GK: variants seen among roughly 807,000 people sequenced by gnomAD.
The protein encoded by GK is ATP:glycerol 3-phosphotransferase.
A neutral mutation model predicts 56.4 loss-of-function variants in GK; 9 were observed. That is an observed-to-expected ratio of 0.16 (90% CI 0.10 to 0.28). The LOEUF (loss-of-function observed/expected upper bound fraction) is 0.28. Ranked by LOEUF, GK falls within the 10% of genes least tolerant of loss-of-function variation. GK has a pLI of 1.00. For missense variants in GK, 161 were observed against 431.4 expected (o/e 0.37, Z 5.55); for synonymous variants, 104 against 144.1 (o/e 0.72, Z 1.99).
At chrX:30,670,384 A>G (rs779678482) in intron 3 of GK, among the ~76,000 whole-genome samples, 11 of 111,304 alleles carry the variant, frequency 9.9e-5, no homozygotes, top group Non-Finnish European at 2.1e-4. Flanking sequence ...TTATGTGAAG[A>G]TGACACACAA....
intron 9 of GK, chrX:30,700,138 A>G: frequency 3.4e-6 from 1 of 294,425 alleles, no homozygotes; most frequent in Non-Finnish European, 6.0e-6. Flanking sequence ...GCCTGCTAGT[A>G]GATTAATACT....
rs377416052 is a variant in GK at position 30,724,147 on chromosome X, A to G, written c.1548A>G (p.Ser516=). The G allele has an allele frequency of 1.7e-6, 2 of 1,179,977 alleles. No individual in the cohort carries two copies. Among genetic ancestry groups the G allele is most frequent in the Non-Finnish European group, 2.3e-6 (2 of 867,084 alleles). ...YSTWKKAVMK[S]MGWVTTQSPE... ...CATGGAAGAAAGCTGTGATGAAGTC[A>G]ATGGGTTGGGTTACAACTCAATCTC... The change falls in exon 19 of 21, where the codon TCA becomes TCG. Residue 516 remains serine, a synonymous_variant. Transcript: ENST00000427190.
At chrX:30,699,176 T>C (rs1410095689) in intron 9 of GK, among the ~76,000 whole-genome samples, 1 of 98,365 alleles carries the variant, frequency 1.0e-5, no homozygotes, top group African/African-American at 3.7e-5. Context: ...TCAGGGATTT[T>C]ATATATATAT....
chrX:30,700,619 T>C (rs1935599929), intron 10 of GK, among the ~76,000 whole-genome samples, 170 bp downstream of exon 10: 1 of 111,992 alleles, frequency 8.9e-6, no homozygotes, highest in Non-Finnish European at 1.9e-5. Flanking sequence ...TGAGAATCTT[T>C]TGAATAAATT....
chrX:30,727,604 G>A (rs1389251081), intron 20 of GK, 52 bp downstream of exon 20: 7 of 776,817 alleles, frequency 9.0e-6, no homozygotes, highest in African/African-American at 4.1e-5. Flanking sequence ...TAATGTTTTC[G>A]TGTATAACTT....
chrX:30,654,050 A>G (rs1032019693), intron 1 of GK, among the ~76,000 whole-genome samples: 1 of 112,442 alleles, frequency 8.9e-6, no homozygotes, highest in African/African-American at 3.2e-5. Flanking sequence ...TGTGGTAGCT[A>G]ACACAGCGTC....
chrX:30,664,000 GATATATATTTTATATATATCT>G (rs1459748901), intron 1 of GK, among the ~76,000 whole-genome samples: 3 of 78,184 alleles, frequency 3.8e-5, no homozygotes, highest in African/African-American at 4.9e-5. Flanking sequence ...ATATTTTATA[GATATATATTTTATATATATCT>G]ATATATATTT....
intron 2 of GK, among the ~76,000 whole-genome samples, chrX:30,667,407 G>A (rs926732758): frequency 9.0e-6 from 1 of 110,898 alleles, no homozygotes; most frequent in Admixed American, 9.7e-5. Flanking sequence ...TCCTTCTGAG[G>A]CCCTGGTACT....
rs769468628 is a variant in GK at position 30,675,198 on chromosome X, AT to A, written c.260-2162del. ...GGAGGTGGAAGCTACACAAAAAATG[AT>A]TTTTTTTTTTTTTTGAGACAGAGTC... On this transcript the variant is annotated intron_variant, in intron 3 of 20. Coordinates refer to ENST00000427190, the MANE Select transcript of GK (RefSeq NM_001205019.2). 6.3e-3 allele frequency among the ~76,000 whole-genome samples: 639 copies of A among 100,766 alleles called. 2 individuals carry two copies. The highest frequency in any genetic ancestry group is 0.016 in the African/African-American group (449 of 27,904). The allele number at this position is 100,766 out of a possible 115,157, so 87.5% of individuals were successfully genotyped here.
intron 19 of GK, among the ~76,000 whole-genome samples, chrX:30,726,819 G>A (rs1200510706): frequency 9.0e-6 from 1 of 111,535 alleles, no homozygotes; most frequent in Admixed American, 9.6e-5. Context: ...CCTATGGGAA[G>A]AATATCAGGC....
chrX:30,708,757 A>G (rs1936166087), intron 13 of GK, among the ~76,000 whole-genome samples: 1 of 111,872 alleles, frequency 8.9e-6, no homozygotes, highest in South Asian at 3.7e-4. Flanking sequence ...CTTTTTGTAA[A>G]ATTAGATACA....
chrX:30,722,560 T>C (rs1398051956), intron 18 of GK, among the ~76,000 whole-genome samples: 1 of 111,370 alleles, frequency 9.0e-6, no homozygotes, highest in East Asian at 2.8e-4. Flanking sequence ...CCCTCACTCC[T>C]CCCCATAAAC....
chrX:30,682,996 G>C (rs1199535995), intron 4 of GK, among the ~76,000 whole-genome samples: 1 of 110,564 alleles, frequency 9.0e-6, no homozygotes, highest in Non-Finnish European at 1.9e-5. Flanking sequence ...TCTCTCAAAG[G>C]TCCCATCTCT....
intron 9 of GK, among the ~76,000 whole-genome samples, chrX:30,699,175 TTA>T (rs758881734): frequency 9.9e-6 from 1 of 100,695 alleles, no homozygotes; most frequent in Non-Finnish European, 2.0e-5. Context: ...TTCAGGGATT[TTA>T]TATATATATA....
At chrX:30,697,776 A>C in intron 9 of GK, 27 bp downstream of exon 9, 1 of 1,108,889 alleles carries the variant, frequency 9.0e-7, no homozygotes, top group South Asian at 1.8e-5. Flanking sequence ...CCAATTATGT[A>C]CCCATTCATT....
chrX:30,654,623 T>G (rs890361915), intron 1 of GK, among the ~76,000 whole-genome samples: 4 of 110,703 alleles, frequency 3.6e-5, no homozygotes, highest in Non-Finnish European at 7.6e-5. Flanking sequence ...CCCGGGAGGC[T>G]GAGGCAGGAG....
intron 13 of GK, among the ~76,000 whole-genome samples, chrX:30,712,532 T>C (rs1936376121): frequency 9.1e-6 from 1 of 109,711 alleles, no homozygotes; most frequent in South Asian, 3.8e-4. Context: ...ATTTTTCACA[T>C]CCACCTGATT....
intron 18 of GK, among the ~76,000 whole-genome samples, chrX:30,723,352 A>G (rs772107523): frequency 0.034 from 3,651 of 107,934 alleles, 82 homozygotes; most frequent in Non-Finnish European, 0.054. Context: ...CCGAGATGGC[A>G]CCACTGCACT....
rs548048361 is a variant in GK, at chrX:30,662,371, G to A, written c.79-3140G>A. Among the ~76,000 whole-genome samples the A allele has an allele frequency of 2.7e-5, 3 of 112,060 alleles. No individual in the cohort carries two copies. In the South Asian group the frequency reaches 1.1e-3, roughly 41 times the overall value. Reference sequence around the variant, plus strand: ...TTGGACAGGCTACATACACTAAGGTGGTGTCAGTCTCCTAAGTTTCAGAGC... The same window carrying A: ...TTGGACAGGCTACATACACTAAGGTAGTGTCAGTCTCCTAAGTTTCAGAGC... On this transcript the variant is annotated intron_variant, in intron 1 of 20. Coordinates refer to ENST00000427190, the MANE Select transcript of GK (RefSeq NM_001205019.2).
Sources: allele counts gnomAD v4.1 joint callset (sites outside exome capture counted in the v4.1 genomes callset), GRCh38; gene constraint gnomAD v4.1.1; transcripts MANE v1.5; gene names NCBI Gene and HGNC (gene_info 2026-07-23, HGNC 2026-07-21).